Variants in TRIM36 observed in about 807,000 individuals in gnomAD.
The protein encoded by TRIM36 is tripartite motif containing 36, also known as E3 ubiquitin-protein ligase TRIM36.
TRIM36 carries 42 observed loss-of-function variants against 72.4 expected under a neutral mutation model. The observed-to-expected ratio is 0.58, with a 90% confidence interval of 0.45 to 0.75. The LOEUF is 0.75. Among genes scored for constraint, TRIM36 ranks in the 30% least tolerant of loss-of-function variants. The pLI, the probability that TRIM36 is intolerant of heterozygous loss-of-function variation, is 0.00. For missense variants in TRIM36, 913 were observed against 857.1 expected, an observed-to-expected ratio of 1.07 and a Z score of -0.81; for synonymous variants, 315 against 282.8, an observed-to-expected ratio of 1.11 and a Z score of -1.14.
intron 5 of TRIM36, among the ~76,000 whole-genome samples, chr5:115,138,618 T>C (rs1753101257): frequency 1.3e-5 from 2 of 152,124 alleles, no homozygotes; most frequent in African/African-American, 4.8e-5. Context: ...AAAAGGTTAT[T>C]TACATAAAGT....
chr5:115,171,562 T>C (rs1755119174), upstream of TRIM36, among the ~76,000 whole-genome samples: 2 of 152,210 alleles, frequency 1.3e-5, no homozygotes, highest in African/African-American at 4.8e-5. Flanking sequence ...ATAATTCCCC[T>C]TGGGCTGTAA....
rs780801408 is a variant in TRIM36, at chr5:115,137,031, T to A, written c.1179A>T (p.Glu393Asp). The change falls in exon 7 of 10, where the codon GAA becomes GAT. Residue 393 changes from glutamate (E) to aspartate (D), a missense_variant. Coordinates refer to ENST00000513154, the MANE Select transcript of TRIM36 (RefSeq NM_001300759.2). The part of the protein sequence containing the change: ...DYVVNTSKQT[E>D]LLGELSFFSS... ...AGAAAAAGGATAATTCTCCAAGAAGTTCTGTTTGTTTAGAGGTATTAACAA... is the reference window on the plus strand; with the variant it reads ...AGAAAAAGGATAATTCTCCAAGAAGATCTGTTTGTTTAGAGGTATTAACAA... 148 of 1,605,998 alleles carry A rather than the reference T, an allele frequency of 9.2e-5. No homozygotes were observed. Among genetic ancestry groups the A allele is most frequent in the Non-Finnish European group, 1.2e-4 (144 of 1,177,042 alleles).
intron 2 of TRIM36, among the ~76,000 whole-genome samples, chr5:115,162,819 G>A (rs146452481): frequency 1.3e-5 from 2 of 152,126 alleles, no homozygotes; most frequent in East Asian, 3.9e-4. Flanking sequence ...TAGCCATTAG[G>A]TAGTCCCACT....
chr5:115,178,707 C>T (rs1052177872), intron 1 of TRIM36, among the ~76,000 whole-genome samples: 1 of 152,086 alleles, frequency 6.6e-6, no homozygotes, highest in African/African-American at 2.4e-5. Flanking sequence ...ACTTCTGGCC[C>T]GGGGTTGTAA....
intron 5 of TRIM36, among the ~76,000 whole-genome samples, chr5:115,139,000 T>G (rs1753126880): frequency 6.6e-6 from 1 of 151,746 alleles, no homozygotes; most frequent in African/African-American, 2.4e-5. Flanking sequence ...TTTGTATTTT[T>G]AGTAGAGATG....
chr5:115,140,020 G>A (rs1753190959), intron 5 of TRIM36, among the ~76,000 whole-genome samples: 1 of 152,136 alleles, frequency 6.6e-6, no homozygotes, highest in African/African-American at 2.4e-5. Flanking sequence ...CATCTGCTTT[G>A]TGTTGAGACA....
intron 1 of TRIM36, among the ~76,000 whole-genome samples, chr5:115,167,493 C>T (rs1279684272): frequency 6.6e-6 from 1 of 152,200 alleles, no homozygotes. Flanking sequence ...CTCTCAAGTT[C>T]AAAGCTTCAC....
rs1395021658 is a variant in TRIM36, at chr5:115,130,710, C to T, written c.1678G>A (p.Gly560Arg). 7 of 1,614,076 alleles carry T rather than the reference C, an allele frequency of 4.3e-6. No homozygotes were observed. Among genetic ancestry groups the T allele is most frequent in the Non-Finnish European group, 4.2e-6 (5 of 1,180,020 alleles). Residue 560 changes from glycine (G) to arginine (R), a missense_variant, in exon 9 of 10, where the codon GGA becomes AGA. Transcript: ENST00000513154. ...YIIGDTGITK[G>R]KHFWAFRVEP... ...ACACGGAAGGCCCAGAAGTGTTTTC[C>T]TTTTGTAATGCCAGTATCTCCAATG...
chr5:115,173,532 G>A (rs1309650976), upstream of TRIM36, among the ~76,000 whole-genome samples: 2 of 151,074 alleles, frequency 1.3e-5, no homozygotes, highest in East Asian at 3.9e-4. Context: ...ATGTGTGTGT[G>A]TGTGTGTGTG....
At chr5:115,156,546 A>T (rs1754190529) in intron 2 of TRIM36, among the ~76,000 whole-genome samples, 1 of 152,234 alleles carries the variant, frequency 6.6e-6, no homozygotes, top group South Asian at 2.1e-4. Context: ...AGCAAAGCAA[A>T]CAAAAACAGA....
chr5:115,156,479 A>G (rs1413200878), intron 2 of TRIM36, among the ~76,000 whole-genome samples: 2 of 152,208 alleles, frequency 1.3e-5, no homozygotes, highest in Non-Finnish European at 2.9e-5. Flanking sequence ...ACATAGACCA[A>G]TGGAACAGAA....
intron 2 of TRIM36, among the ~76,000 whole-genome samples, chr5:115,159,011 T>G (rs1446329018): frequency 5.3e-5 from 8 of 152,216 alleles, no homozygotes; most frequent in Admixed American, 4.6e-4. Context: ...GCAGTCAATG[T>G]TATTTTTAAA....
At chr5:115,126,930 A>G in intron 9 of TRIM36, 73 bp from the exon 10 acceptor site, 1 of 1,379,030 alleles carries the variant, frequency 7.3e-7, no homozygotes, top group Non-Finnish European at 9.8e-7. Context: ...TCACAGGATA[A>G]TATACATTGA....
intron 2 of TRIM36, among the ~76,000 whole-genome samples, chr5:115,147,670 T>A (rs1753669511): frequency 6.6e-6 from 1 of 152,166 alleles, no homozygotes; most frequent in Admixed American, 6.6e-5. Flanking sequence ...AACATAGATA[T>A]AAAGATAAAA....
At chr5:115,133,423 T>TA (rs1218714629) in intron 8 of TRIM36, among the ~76,000 whole-genome samples, 11 of 152,098 alleles carry the variant, frequency 7.2e-5, no homozygotes, top group South Asian at 2.1e-4. Context: ...CCTAGTTAGA[T>TA]AAAAAAATCC....
At chr5:115,139,545 C>G (rs914141285) in intron 5 of TRIM36, among the ~76,000 whole-genome samples, 1 of 152,190 alleles carries the variant, frequency 6.6e-6, no homozygotes, top group African/African-American at 2.4e-5. Context: ...ACCCCGACAG[C>G]CACATATTTT....
Position 115,137,621 on chromosome 5 carries a change from G to A in TRIM36, c.832-5C>T, listed in dbSNP as rs1402749685. The A allele has an allele frequency of 2.5e-6, 4 of 1,577,014 alleles. No individual in the cohort carries two copies. The highest frequency in any genetic ancestry group is 1.9e-5 in the Admixed American group (1 of 52,604). ...TTTAGCCCTCTCTCCATTACACTAAGAAAAAACAGTATCTCCATTACACTA... is the reference window on the plus strand; with the variant it reads ...TTTAGCCCTCTCTCCATTACACTAAAAAAAAACAGTATCTCCATTACACTA... On this transcript the variant is annotated splice_polypyrimidine_tract_variant and splice_region_variant and intron_variant, in intron 5 of 9. Coordinates refer to ENST00000513154, the MANE Select transcript of TRIM36 (RefSeq NM_001300759.2).
intron 1 of TRIM36, chr5:115,179,829 G>A: frequency 1.4e-6 from 1 of 717,084 alleles, no homozygotes; most frequent in South Asian, 1.8e-5. Flanking sequence ...GCAGCTGCTG[G>A]GACGCCCGGG....
chr5:115,176,648 C>G (rs1323527401), intron 1 of TRIM36, among the ~76,000 whole-genome samples: 1 of 152,072 alleles, frequency 6.6e-6, no homozygotes, highest in South Asian at 2.1e-4. Context: ...ATTCTATATT[C>G]CTTGTCATCA....
Sources: gnomAD v4.1 joint callset for allele counts (sites outside exome capture counted in the v4.1 genomes callset) on GRCh38, gnomAD v4.1.1 for gene constraint, MANE v1.5 for transcripts, NCBI Gene and HGNC (gene_info 2026-07-23, HGNC 2026-07-21) for gene names.